Variants in MAF observed in about 807,000 individuals in gnomAD.
MAF encodes the protein MAF bZIP transcription factor.
A neutral mutation model predicts 22.0 loss-of-function variants in MAF; 10 were observed. The ratio of observed to expected loss-of-function variants is 0.45; its 90% CI spans 0.28 to 0.77. The LOEUF is 0.77. Ranked by LOEUF, MAF falls within the 30% of genes least tolerant of loss-of-function variation. The pLI is 0.12. For missense variants in MAF, 544 were observed against 548.4 expected, an observed-to-expected ratio of 0.99 and a Z score of 0.08; for synonymous variants, 337 against 255.8, an observed-to-expected ratio of 1.32 and a Z score of -3.03.
chr16:79,259,722 G>C, the MAF span, among the ~76,000 whole-genome samples: 13 of 152,284 alleles, frequency 8.5e-5, no homozygotes, highest in South Asian at 2.5e-3. Context: ...CAGGACTGCT[G>C]GTCATCCTAG....
the MAF span, among the ~76,000 whole-genome samples, chr16:79,395,183 T>A: frequency 2.0e-5 from 3 of 152,002 alleles, no homozygotes; most frequent in Non-Finnish European, 4.4e-5. Context: ...TGCGATGAGG[T>A]TGAAGGGGCA....
the MAF span, among the ~76,000 whole-genome samples, chr16:79,477,794 G>C: frequency 1.3e-5 from 2 of 151,792 alleles, no homozygotes; most frequent in South Asian, 4.2e-4. Context: ...GTGTGATCTT[G>C]GCTCACCACA....
chr16:79,350,724 G>A, the MAF span, among the ~76,000 whole-genome samples: 1 of 152,160 alleles, frequency 6.6e-6, no homozygotes, highest in Non-Finnish European at 1.5e-5. Context: ...GGTATGGGAG[G>A]GACCCTGCAG....
At chr16:79,389,088 T>C in the MAF span, among the ~76,000 whole-genome samples, 1 of 152,136 alleles carries the variant, frequency 6.6e-6, no homozygotes, top group Non-Finnish European at 1.5e-5. Flanking sequence ...TGTCTGGTTG[T>C]AGGGGGCTGG....
chr16:79,378,372 G>C, the MAF span, among the ~76,000 whole-genome samples: 1 of 152,102 alleles, frequency 6.6e-6, no homozygotes, highest in Non-Finnish European at 1.5e-5. Flanking sequence ...ATAGAAAAAA[G>C]TCATTCATTT....
At chr16:79,256,045 G>A in the MAF span, among the ~76,000 whole-genome samples, 38 of 143,802 alleles carry the variant, frequency 2.6e-4, no homozygotes, top group Non-Finnish European at 5.5e-4. Flanking sequence ...GCTGTGGTGC[G>A]ATCTCAGCTC....
the MAF span, among the ~76,000 whole-genome samples, chr16:79,315,919 G>A: frequency 6.6e-6 from 1 of 152,218 alleles, no homozygotes; most frequent in Non-Finnish European, 1.5e-5. Context: ...TCCTGGGTGT[G>A]TGGGGGTCCC....
the MAF span, among the ~76,000 whole-genome samples, chr16:79,272,136 C>T: frequency 6.6e-6 from 1 of 152,186 alleles, no homozygotes; most frequent in Non-Finnish European, 1.5e-5. Flanking sequence ...GGCGGGGGCC[C>T]CCACCAGGGC....
At chr16:79,486,449 A>T in the MAF span, among the ~76,000 whole-genome samples, 7 of 152,032 alleles carry the variant, frequency 4.6e-5, no homozygotes, top group African/African-American at 1.7e-4. Flanking sequence ...TGTTTTTCAC[A>T]TCTAAAACAT....
chr16:79,429,935 G>A, the MAF span, among the ~76,000 whole-genome samples: 1 of 152,242 alleles, frequency 6.6e-6, no homozygotes, highest in South Asian at 2.1e-4. Context: ...CTACCGGGTG[G>A]AGCAAAGAGA....
the MAF span, among the ~76,000 whole-genome samples, chr16:79,283,570 G>A: frequency 2.0e-5 from 3 of 152,060 alleles, no homozygotes; most frequent in Admixed American, 6.6e-5. Context: ...TTTAAAAAAC[G>A]ATTAAAAAGA....
At chr16:79,536,139 T>A in the MAF span, among the ~76,000 whole-genome samples, 1 of 152,228 alleles carries the variant, frequency 6.6e-6, no homozygotes, top group South Asian at 2.1e-4. Context: ...CAACATGATA[T>A]AGATATAAGG....
At chr16:79,212,246 C>T in the MAF span, 2 of 1,335,044 alleles carry the variant, frequency 1.5e-6, no homozygotes, top group Non-Finnish European at 2.0e-6. Flanking sequence ...CTGCATTGAT[C>T]CAGGAGATAA....
At chr16:79,428,579 C>G in the MAF span, among the ~76,000 whole-genome samples, 5 of 152,112 alleles carry the variant, frequency 3.3e-5, no homozygotes, top group Non-Finnish European at 7.3e-5. Context: ...GTGGCTCACA[C>G]CTGTAATCCC....
chr16:79,278,198 G>A, the MAF span, among the ~76,000 whole-genome samples: 2 of 152,214 alleles, frequency 1.3e-5, no homozygotes, highest in African/African-American at 4.8e-5. Flanking sequence ...GGAAATGGGA[G>A]ACCAGCTGAC....
the MAF span, among the ~76,000 whole-genome samples, chr16:79,271,353 A>G: frequency 3.9e-5 from 6 of 152,250 alleles, no homozygotes; most frequent in Middle Eastern, 3.4e-3. Context: ...CAGCCTCCCA[A>G]TGTATGTAAA....
chr16:79,394,055 C>T, the MAF span, among the ~76,000 whole-genome samples: 5 of 152,190 alleles, frequency 3.3e-5, no homozygotes, highest in African/African-American at 7.2e-5. Context: ...CGCTTCACCA[C>T]GTGCATGTTC....
At chr16:79,351,586 G>C in the MAF span, among the ~76,000 whole-genome samples, 3 of 152,086 alleles carry the variant, frequency 2.0e-5, no homozygotes, top group Non-Finnish European at 4.4e-5. Context: ...CAGAGTCACA[G>C]AGCCCAGAGA....
chr16:79,308,106 T>A, the MAF span, among the ~76,000 whole-genome samples: 1 of 152,184 alleles, frequency 6.6e-6, no homozygotes, highest in African/African-American at 2.4e-5. Context: ...CTGTGTCATA[T>A]CTATGGTGTC....
Sources: allele counts gnomAD v4.1 joint callset (sites outside exome capture counted in the v4.1 genomes callset), GRCh38; gene constraint gnomAD v4.1.1; transcripts MANE v1.5; gene names NCBI Gene and HGNC (gene_info 2026-07-23, HGNC 2026-07-21).